Variants in MUC4 observed in about 807,000 individuals in gnomAD.
MUC4 encodes mucin 4, cell surface associated, also known as mucin-4.
In MUC4, 202 loss-of-function variants were observed where a neutral mutation model predicts 257.9. The ratio of observed to expected loss-of-function variants is 0.78; its 90% CI spans 0.70 to 0.88. MUC4 has a LOEUF of 0.88. Ranked by LOEUF, MUC4 falls within the 40% of genes least tolerant of loss-of-function variation. MUC4 has a pLI of 0.00. For synonymous variants in MUC4, 2,351 were observed against 2,757.1 expected, an observed-to-expected ratio of 0.85 and a Z score of 4.62; for missense variants, 5,976 against 6,513.7, an observed-to-expected ratio of 0.92 and a Z score of 2.84.
chr3:195,778,539 G>C, intron 2 of MUC4, 84 bp from the exon 3 acceptor site: 1 of 1,552,884 alleles, frequency 6.4e-7, no homozygotes, highest in Non-Finnish European at 8.7e-7. Flanking sequence ...ATCAGGAGCT[G>C]GAAGAGGGAG....
rs1720200311 is a variant in MUC4, at chr3:195,765,265, G to A, written c.13798+5C>T. On this transcript the variant is annotated splice_donor_5th_base_variant and intron_variant, in intron 9 of 24. Transcript: ENST00000463781. ...GGCTTGTGGGGGGCGGGAAGGAGGT[G>A]TCACCTATGCTGACGGGTTGGAATC... The A allele has an allele frequency of 1.2e-6, 2 of 1,606,180 alleles. No individual in the cohort carries two copies. Among genetic ancestry groups the A allele is most frequent in the Non-Finnish European group, 1.7e-6 (2 of 1,174,914 alleles).
intron 19 of MUC4, chr3:195,753,611 C>T: frequency 6.5e-6 from 2 of 307,412 alleles, no homozygotes; most frequent in South Asian, 8.2e-5. Flanking sequence ...TCTGAAGGCA[C>T]AGTGATCTGT....
rs563313600 is a variant in MUC4, at chr3:195,788,862, C to T, written c.2718G>A (p.Arg906=). Residue 906 remains arginine, a synonymous_variant, in exon 2 of 25, where the codon CGG becomes CGA. Transcript: ENST00000463781. ...TTCTTGTCCTCTGAGTCTGGGCCAT[C>T]CGGGAAATGGCGGCTGTCTCCTGAG... ...ASPQETAAIS[R]MAQTQRTRTS... 2.1e-5 allele frequency: 34 copies of T among 1,613,844 alleles called. No homozygotes were observed. In the African/African-American group the frequency reaches 3.1e-4, roughly 15 times the overall value.
Position 195,747,355 on chromosome 3 carries a change from C to G in MUC4, c.16060G>C (p.Ala5354Pro), listed in dbSNP as rs1318221279. 1 of 1,614,002 alleles carries G rather than the reference C, an allele frequency of 6.2e-7. No individual in the cohort carries two copies. The highest frequency in any genetic ancestry group is 1.3e-5 in the African/African-American group (1 of 75,070). Reference sequence around the variant, plus strand: ...AGGTGCTCACAGTGCTCGCCCCAGGCCGTGTAGATGGAGAAGGACACACAG... The same window carrying G: ...AGGTGCTCACAGTGCTCGCCCCAGGGCGTGTAGATGGAGAAGGACACACAG... ...CSCVSFSIYT[A>P]WGEHCEHLSM... Residue 5354 changes from alanine to proline, a missense_variant, in exon 25 of 25, where the codon GCC (alanine) becomes CCC (proline). Ala to Pro is a conservative substitution (Grantham distance 27, BLOSUM62 -1). Around this residue, in one of 44 missense-constraint regions of MUC4, gnomAD observed 310 missense variants for 242.1 expected, o/e 1.28. Coordinates refer to ENST00000463781, the MANE Select transcript of MUC4 (RefSeq NM_018406.7).
Position 195,780,316 on chromosome 3 carries a change from G to T in MUC4, c.11264C>A (p.Thr3755Lys), listed in dbSNP as rs1357574925. ...GACAAGAAGAGGGGTGGCGTGACCT[G>T]TGGATGCTGAGGAAGTGCTGGTGAC... The part of the protein sequence containing the change: ...LPVTSTSSAS[T>K]GHATPLLVTD... The change falls in exon 2 of 25, where the codon ACA becomes AAA. Residue 3755 changes from threonine (T) to lysine (K), a missense_variant. By Grantham distance (78) the Thr-to-Lys change is moderately conservative. Transcript: ENST00000463781. The T allele has an allele frequency of 6.5e-7, 1 of 1,527,850 alleles. No homozygotes were observed. 94.6% of individuals were successfully genotyped at this position (1,527,850 alleles called of 1,614,324 possible). A position where few individuals can be genotyped will look rare whatever the true frequency, so the allele number is the denominator to read the frequency against.
intron 1 of MUC4, among the ~76,000 whole-genome samples, chr3:195,804,246 G>A (rs1006248169): frequency 2.6e-5 from 4 of 152,170 alleles, no homozygotes; most frequent in Non-Finnish European, 4.4e-5. Flanking sequence ...TTCTCTCCTT[G>A]AACCACGTCA....
intron 3 of MUC4, 150 bp downstream of exon 3, chr3:195,778,153 C>T: frequency 9.3e-7 from 1 of 1,073,280 alleles, no homozygotes; most frequent in Non-Finnish European, 1.3e-6. Flanking sequence ...TGCACAAAGC[C>T]AGCCCTCAGG....
intron 1 of MUC4, among the ~76,000 whole-genome samples, chr3:195,794,226 A>G (rs1338554741): frequency 2.6e-5 from 4 of 152,004 alleles, no homozygotes; most frequent in Non-Finnish European, 5.9e-5. Context: ...CTTCGTGAAT[A>G]TTACCTTAGC....
In MUC4 at chr3:195,783,929, A is replaced by G. The variant is rs1729794323; in HGVS notation, c.7651T>C (p.Ser2551Pro). The change falls in exon 2 of 25, where the codon TCC becomes CCC. Residue 2551 changes from serine to proline, a missense_variant. Coordinates refer to ENST00000463781, the MANE Select transcript of MUC4 (RefSeq NM_018406.7). ...HATSLHVTSPSSASTGHATSL... is the reference protein window; with the variant it reads ...HATSLHVTSPPSASTGHATSL... ...GTGGCGTGACCTGTGGATGCTGAGG[A>G]AGGGCTGGTGACATGAAGAGAGGTG... The G allele has an allele frequency of 2.0e-6, 3 of 1,520,782 alleles. No homozygotes were observed. Among genetic ancestry groups the G allele is most frequent in the East Asian group, 2.5e-5 (1 of 39,882 alleles). 94.2% of individuals were successfully genotyped at this position (1,520,782 alleles called of 1,614,324 possible).
chr3:195,769,003 A>C lies in MUC4; in HGVS notation c.13529+19T>G. 6.2e-7 allele frequency: 1 copy of C among 1,606,820 alleles called. No homozygotes were observed. The highest frequency in any genetic ancestry group is 1.3e-5 in the African/African-American group (1 of 74,914). On this transcript the variant is annotated intron_variant, in intron 7 of 24. Coordinates refer to ENST00000463781, the MANE Select transcript of MUC4 (RefSeq NM_018406.7). ...CCTCCCTGCCAACTGCTCAGTGCTG[A>C]CAGCCCCTCCCATCCTACCTAGAGA...
chr3:195,801,072 A>C (rs115691628), intron 1 of MUC4, among the ~76,000 whole-genome samples: 21 of 152,278 alleles, frequency 1.4e-4, no homozygotes, highest in Non-Finnish European at 2.6e-4. Flanking sequence ...CATCTCGCTG[A>C]AGTTGTCAGG....
intron 3 of MUC4, 83 bp downstream of exon 3, chr3:195,778,213 AGAGAGCG>A: frequency 2.1e-6 from 3 of 1,452,122 alleles, no homozygotes; most frequent in Non-Finnish European, 2.8e-6. Context: ...TCCCCACCCG[AGAGAGCG>A]GAGACTGTGG....
chr3:195,756,646 CT>C (rs68147236), intron 18 of MUC4, among the ~76,000 whole-genome samples: 5 of 8,214 alleles, frequency 6.1e-4, no homozygotes, highest in East Asian at 4.4e-3. Flanking sequence ...TTCTTTCTTT[CT>C]TTTCTTTTCT....
chr3:195,809,506 C>T (rs1016441927), intron 1 of MUC4: 1 of 152,378 alleles, frequency 6.6e-6, no homozygotes, highest in Non-Finnish European at 1.5e-5. Context: ...GTGCCATCTC[C>T]CAGCCACGAC....
intron 7 of MUC4, among the ~76,000 whole-genome samples, chr3:195,767,361 T>C (rs13094465): frequency 0.85 from 127,914 of 151,370 alleles, 54,699 homozygotes; most frequent in African/African-American, 0.97. Context: ...CCACTGCTGC[T>C]ACCACCACCA....
At chr3:195,807,312 T>C (rs1445177049) in intron 1 of MUC4, among the ~76,000 whole-genome samples, 1 of 152,042 alleles carries the variant, frequency 6.6e-6, no homozygotes, top group Non-Finnish European at 1.5e-5. Flanking sequence ...CTACTAAAAA[T>C]ACAAACATTA....
In MUC4 at chr3:195,783,854, G is replaced by T; in HGVS notation, c.7726C>A (p.Pro2576Thr). 6.6e-7 allele frequency: 1 copy of T among 1,505,730 alleles called. No homozygotes were observed. The allele number at this position is 1,505,730 out of a possible 1,614,324, so 93.3% of individuals were successfully genotyped here. ...GAGGAAGTGCTGGTGACAGGAAGAG[G>T]GGTGGCGTGACCTGTGGATGCTGCG... ...TSAASTGHAT[P>T]LPVTSTSSAS... The change falls in exon 2 of 25, where the codon CCT becomes ACT. Residue 2576 changes from proline (P) to threonine (T), a missense_variant. Pro to Thr is a conservative substitution (Grantham distance 38). Around this residue, in one of 44 missense-constraint regions of MUC4, gnomAD observed 135 missense variants for 114.7 expected, o/e 1.18. Transcript: ENST00000463781.
intron 12 of MUC4, among the ~76,000 whole-genome samples, 158 bp from the exon 13 acceptor site, chr3:195,763,103 T>C (rs1185273835): frequency 1.3e-5 from 2 of 152,360 alleles, no homozygotes; most frequent in East Asian, 1.9e-4. Flanking sequence ...CCGTCTACCG[T>C]GTGCTCGGCA....
chr3:195,761,626 G>T, intron 14 of MUC4, 41 bp from the exon 15 acceptor site: 1 of 1,490,746 alleles, frequency 6.7e-7, no homozygotes, highest in Non-Finnish European at 9.4e-7. Context: ...TGGGCACGCG[G>T]CTGTCCCCTT....
Sources: allele counts gnomAD v4.1 joint callset (sites outside exome capture counted in the v4.1 genomes callset), GRCh38; gene constraint gnomAD v4.1.1; regional missense constraint gnomAD v4.1.1; transcripts MANE v1.5; gene names NCBI Gene and HGNC (gene_info 2026-07-23, HGNC 2026-07-21).